CEMIP2: variants seen among roughly 807,000 people sequenced by gnomAD.
CEMIP2 encodes cell surface hyaluronidase CEMIP2.
CEMIP2 carries 79 observed loss-of-function variants against 146.9 expected under a neutral mutation model. That is an observed-to-expected ratio of 0.54 (90% CI 0.45 to 0.65). CEMIP2 has a LOEUF of 0.65. Ranked by LOEUF, CEMIP2 falls within the 30% of genes least tolerant of loss-of-function variation. The pLI is 0.00. For synonymous variants in CEMIP2, 601 were observed against 606.3 expected, an observed-to-expected ratio of 0.99 and a Z score of 0.13; for missense variants, 1,596 against 1,696.2, an observed-to-expected ratio of 0.94 and a Z score of 1.04.
At chr9:71,729,997 C>G in intron 9 of CEMIP2, 51 bp downstream of exon 9, 1 of 1,613,252 alleles carries the variant, frequency 6.2e-7, no homozygotes, top group Non-Finnish European at 8.5e-7. Context: ...ACCTCTTCCC[C>G]AAAAGTCAAA....
At chr9:71,696,473 T>TAAA (rs879499680) in intron 20 of CEMIP2, among the ~76,000 whole-genome samples, 1 of 143,730 alleles carries the variant, frequency 7.0e-6, no homozygotes, top group Non-Finnish European at 1.5e-5. Flanking sequence ...GAGTTGCCAT[T>TAAA]AAAAAAAAAA....
chr9:71,703,385 T>C (rs1822631771), intron 18 of CEMIP2, among the ~76,000 whole-genome samples: 1 of 152,066 alleles, frequency 6.6e-6, no homozygotes, highest in Non-Finnish European at 1.5e-5. Flanking sequence ...ATGGTAACGG[T>C]TCAGCTCAGA....
intron 15 of CEMIP2, 21 bp from the exon 16 acceptor site, chr9:71,712,281 G>C: frequency 1.2e-6 from 2 of 1,611,806 alleles, no homozygotes; most frequent in South Asian, 1.1e-5. Flanking sequence ...ACAAGATTTT[G>C]TTTAATGCAT....
intron 1 of CEMIP2, among the ~76,000 whole-genome samples, chr9:71,766,509 T>C (rs1339226891): frequency 6.6e-6 from 1 of 152,224 alleles, no homozygotes; most frequent in African/African-American, 2.4e-5. Flanking sequence ...GCTTGTCTTT[T>C]CTTGATAGCT....
Position 71,745,596 on chromosome 9 carries a change from C to G in CEMIP2, c.473-17G>C, listed in dbSNP as rs1420198641. 2 of 1,547,986 alleles carry G rather than the reference C, an allele frequency of 1.3e-6. No homozygotes were observed. The highest frequency in any genetic ancestry group is 1.7e-6 in the Non-Finnish European group (2 of 1,151,660). ...CAAGCAGTCCTGCAGGGAACACCAC[C>G]CTGTAAGCCAACTTCTAAATCATCT... On this transcript the variant is annotated splice_polypyrimidine_tract_variant and intron_variant, in intron 3 of 23. Transcript: ENST00000377044.
At chr9:71,701,758 A>G (rs550805931) in intron 18 of CEMIP2, among the ~76,000 whole-genome samples, 2 of 152,122 alleles carry the variant, frequency 1.3e-5, no homozygotes, top group South Asian at 2.1e-4. Flanking sequence ...AATTAAAAAC[A>G]TTTCCACTTT....
At position 71,730,261 on chromosome 9, in the gene CEMIP2, A is replaced by T. The variant is rs1408764235; in HGVS notation, c.1774-8T>A. The T allele has an allele frequency of 6.2e-7, 1 of 1,610,918 alleles. No individual in the cohort carries two copies. The highest frequency in any genetic ancestry group is 1.1e-5 in the South Asian group (1 of 90,970). Reference sequence around the variant, plus strand: ...CCCAATGGTGTCTTTTATCTGCAGAAATAAAAGTATATTAATGTCATTGGT... The same window carrying T: ...CCCAATGGTGTCTTTTATCTGCAGATATAAAAGTATATTAATGTCATTGGT... On this transcript the variant is annotated splice_region_variant and splice_polypyrimidine_tract_variant and intron_variant, in intron 8 of 23. Coordinates refer to ENST00000377044, the MANE Select transcript of CEMIP2 (RefSeq NM_013390.3).
intron 2 of CEMIP2, 166 bp downstream of exon 2, chr9:71,749,877 G>T (rs1413404642): frequency 3.3e-6 from 2 of 597,192 alleles, no homozygotes; most frequent in Non-Finnish European, 5.7e-6. Context: ...ATTTCCAACA[G>T]ATTATTGAAC....
Position 71,728,255 on chromosome 9 carries a change from ATACACG to A in CEMIP2, c.2049+1584_2049+1589del, listed in dbSNP as rs1186971543. ...TCTATATATATATATATATATGTAT[ATACACG>A]TATATATATATATATATATGTATAT... is the stretch of plus-strand genomic sequence containing the variant. On this transcript the variant is annotated intron_variant, in intron 10 of 23. Coordinates refer to ENST00000377044, the MANE Select transcript of CEMIP2 (RefSeq NM_013390.3). 2.3e-3 allele frequency among the ~76,000 whole-genome samples: 74 copies of A among 32,374 alleles called. 1 individual carries two copies. The highest frequency in any genetic ancestry group is 3.0e-3 in the Non-Finnish European group (43 of 14,220). 21.2% of individuals were successfully genotyped at this position (32,374 alleles called of 152,430 possible).
intron 4 of CEMIP2, 78 bp from the exon 5 acceptor site, chr9:71,740,310 A>G (rs1166482120): frequency 1.3e-6 from 2 of 1,523,556 alleles, no homozygotes; most frequent in African/African-American, 2.8e-5. Flanking sequence ...GTTATTACAG[A>G]GTGCTGTTTA....
Position 71,750,305 on chromosome 9 carries a change from G to A in CEMIP2, c.69C>T (p.His23=), listed in dbSNP as rs138253535. The change falls in exon 2 of 24, where the codon CAC becomes CAT. Residue 23 remains histidine (H), a synonymous_variant. Coordinates refer to ENST00000377044, the MANE Select transcript of CEMIP2 (RefSeq NM_013390.3). ...CCTTCCCTGGAACATAGCCAGATGG[G>A]TGACGACTATTTCCATTCTGAGGTT... ...FLQPQNGNSR[H]PSGYVPGKVV... 9 of 1,613,746 alleles carry A rather than the reference G, an allele frequency of 5.6e-6. No individual in the cohort carries two copies. In the Admixed American group the frequency reaches 1.5e-4, roughly 27 times the overall value.
chr9:71,743,066 AAAAAG>A (rs773635157), intron 4 of CEMIP2, among the ~76,000 whole-genome samples: 37 of 152,362 alleles, frequency 2.4e-4, no homozygotes, highest in African/African-American at 6.3e-4. Flanking sequence ...TTTAAAATTA[AAAAAG>A]AAAAGAAAAG....
intron 17 of CEMIP2, among the ~76,000 whole-genome samples, chr9:71,706,758 T>C (rs1198832806): frequency 6.6e-6 from 1 of 152,194 alleles, no homozygotes; most frequent in Admixed American, 6.5e-5. Context: ...GCATGAATAC[T>C]CATGGCTGGC....
intron 1 of CEMIP2, among the ~76,000 whole-genome samples, chr9:71,762,155 C>A (rs1824653937): frequency 6.6e-6 from 1 of 152,124 alleles, no homozygotes; most frequent in Non-Finnish European, 1.5e-5. Flanking sequence ...TCCTCCTAGG[C>A]CACGTGAAAC....
At chr9:71,710,506 A>T (rs1170227910) in intron 16 of CEMIP2, among the ~76,000 whole-genome samples, 1 of 152,108 alleles carries the variant, frequency 6.6e-6, no homozygotes, top group African/African-American at 2.4e-5. Context: ...AGTAAAGCAA[A>T]TTTTGCAAAC....
At chr9:71,703,523 T>C (rs1822636872) in intron 18 of CEMIP2, among the ~76,000 whole-genome samples, 1 of 152,186 alleles carries the variant, frequency 6.6e-6, no homozygotes, top group Non-Finnish European at 1.5e-5. Flanking sequence ...TTCAACTGGA[T>C]GTTTTAAGAG....
chr9:71,694,456 G>T, intron 21 of CEMIP2, 53 bp downstream of exon 21: 2 of 1,421,514 alleles, frequency 1.4e-6, no homozygotes, highest in Non-Finnish European at 2.0e-6. Flanking sequence ...CTAGTTTATG[G>T]CATTTTGTTA....
Position 71,750,281 on chromosome 9 carries a change from C to G in CEMIP2, c.93G>C (p.Lys31Asn), listed in dbSNP as rs761302569. The G allele has an allele frequency of 1.9e-6, 3 of 1,613,910 alleles. No individual in the cohort carries two copies. The highest frequency in any genetic ancestry group is 2.5e-6 in the Non-Finnish European group (3 of 1,180,004). The part of the protein sequence containing the change: ...SRHPSGYVPG[K>N]VVPLRPPPPP... ...GAGGAGGGGGACGCAATGGGACAAC[C>G]TTCCCTGGAACATAGCCAGATGGGT... Residue 31 changes from lysine to asparagine, a missense_variant, in exon 2 of 24, where the codon AAG (lysine) becomes AAC (asparagine). Coordinates refer to ENST00000377044, the MANE Select transcript of CEMIP2 (RefSeq NM_013390.3).
intron 1 of CEMIP2, among the ~76,000 whole-genome samples, chr9:71,758,283 C>T (rs1589169825): frequency 6.6e-6 from 1 of 152,168 alleles, no homozygotes; most frequent in African/African-American, 2.4e-5. Flanking sequence ...AGGTGTGGGG[C>T]CAAGGACCTT....
Sources: allele counts gnomAD v4.1 joint callset (sites outside exome capture counted in the v4.1 genomes callset), GRCh38; gene constraint gnomAD v4.1.1; transcripts MANE v1.5; gene names NCBI Gene and HGNC (gene_info 2026-07-23, HGNC 2026-07-21).